Variants in CTNND1 observed in about 807,000 individuals in gnomAD.
CTNND1 encodes the protein catenin delta 1, also known as catenin delta-1.
CTNND1 carries 16 observed loss-of-function variants against 112.1 expected under a neutral mutation model. The observed-to-expected ratio is 0.14, with a 90% CI of 0.10 to 0.22. The LOEUF (loss-of-function observed/expected upper bound fraction) is 0.22. CTNND1 is among the 10% of genes least tolerant of loss of function. The pLI is 1.00. For missense variants in CTNND1, 1,008 were observed against 1,257.0 expected, an observed-to-expected ratio of 0.80 and a Z score of 3.00; for synonymous variants, 420 against 446.5, an observed-to-expected ratio of 0.94 and a Z score of 0.75.
intron 15 of CTNND1, 127 bp downstream of exon 15, chr11:57,809,593 AT>A (rs1329443245): frequency 1.3e-6 from 1 of 768,728 alleles, no homozygotes; most frequent in Non-Finnish European, 2.1e-6. Context: ...CTATTGCTCT[AT>A]TATCTGTCTT....
chr11:57,800,122 T>C (rs529565720), intron 6 of CTNND1, among the ~76,000 whole-genome samples: 1 of 151,906 alleles, frequency 6.6e-6, no homozygotes, highest in South Asian at 2.1e-4. Flanking sequence ...ATACTTTTCC[T>C]TAATTTTATA....
intron 1 of CTNND1, among the ~76,000 whole-genome samples, chr11:57,762,601 A>C (rs991304150): frequency 4.6e-5 from 7 of 152,042 alleles, no homozygotes; most frequent in African/African-American, 1.4e-4. Flanking sequence ...TTTCCCCCAG[A>C]GAGTTTGAAC....
chr11:57,790,552 GTT>G (rs150149378), intron 2 of CTNND1, among the ~76,000 whole-genome samples: 13 of 60,686 alleles, frequency 2.1e-4, no homozygotes, highest in East Asian at 1.0e-3. Flanking sequence ...CTGTGTGTGT[GTT>G]TTTTTTTTTT....
At chr11:57,792,737 GC>G (rs1423067051) in intron 3 of CTNND1, among the ~76,000 whole-genome samples, 1 of 151,942 alleles carries the variant, frequency 6.6e-6, no homozygotes. Context: ...CACCATGTTG[GC>G]CAGGATGGTC....
At chr11:57,779,456 A>G (rs1032421310) in intron 1 of CTNND1, among the ~76,000 whole-genome samples, 1 of 151,914 alleles carries the variant, frequency 6.6e-6, no homozygotes, top group African/African-American at 2.4e-5. Flanking sequence ...CACTTTGTGG[A>G]TTGGATGGCT....
At chr11:57,804,821 TCAC>T (rs776485109) in intron 9 of CTNND1, 41 bp downstream of exon 9, 52 of 1,416,166 alleles carry the variant, frequency 3.7e-5, no homozygotes, top group Non-Finnish European at 4.9e-5. Flanking sequence ...TGAATTTCAT[TCAC>T]CACAACTATG....
Position 57,796,972 on chromosome 11 carries a change from TG to T in CTNND1, c.937del (p.Asp313ThrfsTer12). 1 of 1,490,908 alleles carries T rather than the reference TG, an allele frequency of 6.7e-7. No individual in the cohort carries two copies. Among genetic ancestry groups the T allele is most frequent in the South Asian group, 1.4e-5 (1 of 71,220 alleles). 92.4% of individuals were successfully genotyped at this position (1,490,908 alleles called of 1,614,324 possible). On this transcript the variant is annotated frameshift_variant, in exon 6 of 21. Transcript: ENST00000399050. LOFTEE classifies it high-confidence loss of function. The stretch of plus-strand genomic sequence containing the variant: ...CTGCCCGTCGGACTGGGACACCCTC[TG>T]ACCCTCGTCGGCGCCTCAGGTAGGC... ...GTARRTGTPS[D>X]PRRRLRSYED...
intron 4 of CTNND1, 88 bp downstream of exon 4, chr11:57,794,169 G>T: frequency 8.6e-7 from 1 of 1,166,478 alleles, no homozygotes; most frequent in Admixed American, 1.8e-5. Flanking sequence ...CTTGTAAGGT[G>T]CCTGGCACAT....
intron 3 of CTNND1, 51 bp from the exon 4 acceptor site, chr11:57,793,959 G>A: frequency 6.3e-7 from 1 of 1,577,098 alleles, no homozygotes; most frequent in East Asian, 2.2e-5. Flanking sequence ...GTATTTGATA[G>A]AGCAAAAGAA....
rs373664724 is a variant in CTNND1, at chr11:57,808,418, G to A, written c.2120G>A (p.Arg707His). Residue 707 changes from arginine to histidine, a missense_variant, in exon 14 of 21, where the codon CGT becomes CAT. By Grantham distance (29) the Arg-to-His change is conservative (BLOSUM62 0). Transcript: ENST00000399050. ...TYGRYIRSAL[R>H]QEKALSAIAD... is the part of the protein sequence containing the mutation. Reference sequence around the variant, plus strand: ...GGTCGATACATCCGCTCTGCTCTGCGTCAAGAGAAGGCTCTTTCTGCCATA... The same window carrying A: ...GGTCGATACATCCGCTCTGCTCTGCATCAAGAGAAGGCTCTTTCTGCCATA... The A allele has an allele frequency of 7.6e-5, 122 of 1,611,276 alleles. No homozygotes were observed. Among genetic ancestry groups the A allele is most frequent in the Non-Finnish European group, 1.0e-4 (118 of 1,178,594 alleles).
chr11:57,791,577 A>T lies in CTNND1; in HGVS notation c.99A>T (p.Glu33Asp), dbSNP rs2060750038. ...AGCTGACCCGGGCGCTGGAGGAGGA[A>T]CGGCGCCACGTCTCGGCGCAGCTGG... Reference protein sequence around the residue: ...FEKLTRALEEERRHVSAQLER... With the variant: ...FEKLTRALEEDRRHVSAQLER... The change falls in exon 3 of 21, where the codon GAA becomes GAT. Residue 33 changes from glutamate (E) to aspartate (D), a missense_variant. Physicochemically the swap from Glu to Asp is conservative, Grantham distance 45 (BLOSUM62 2). Around this residue, in one of 5 missense-constraint regions of CTNND1, gnomAD observed 404 missense variants for 457.9 expected, o/e 0.88. Transcript: ENST00000399050. 1 of 1,611,434 alleles carries T rather than the reference A, an allele frequency of 6.2e-7. No individual in the cohort carries two copies. Among genetic ancestry groups the T allele is most frequent in the South Asian group, 1.1e-5 (1 of 90,624 alleles).
chr11:57,775,116 T>G (rs1953830191), intron 1 of CTNND1, among the ~76,000 whole-genome samples: 1 of 151,934 alleles, frequency 6.6e-6, no homozygotes, highest in Non-Finnish European at 1.5e-5. Context: ...CCTAGGTGAT[T>G]CTGATCATTC....
At chr11:57,808,072 C>T in intron 12 of CTNND1, 93 bp from the exon 13 acceptor site, 1 of 1,362,916 alleles carries the variant, frequency 7.3e-7, no homozygotes, top group Non-Finnish European at 1.0e-6. Context: ...ATAAATCCAT[C>T]AACTGAGAGT....
Position 57,802,166 on chromosome 11 carries a change from C to T in CTNND1, c.1390C>T (p.Arg464Cys), listed in dbSNP as rs11570199. ...PALVRLLRKA[R>C]DMDLTEVITG... ...CCTTGTGCGATTGCTTCGAAAGGCT[C>T]GTGATATGGACCTTACTGAAGTTAT... The change falls in exon 7 of 21, where the codon CGT (arginine) becomes TGT (cysteine). Residue 464 changes from arginine to cysteine, a missense_variant. Coordinates refer to ENST00000399050, the MANE Select transcript of CTNND1 (RefSeq NM_001085458.2). 2,262 of 1,613,406 alleles carry T rather than the reference C, an allele frequency of 1.4e-3. 37 individuals are homozygous for T. In the African/African-American group the frequency reaches 0.027, roughly 19 times the overall value.
At chr11:57,815,849 T>C (rs2063906808) in intron 19 of CTNND1, 66 bp from the exon 20 acceptor site, 1 of 1,380,156 alleles carries the variant, frequency 7.2e-7, no homozygotes, top group Non-Finnish European at 1.0e-6. Flanking sequence ...AGAGTTTCCC[T>C]AGCTCTGGCA....
chr11:57,803,976 A>G, intron 8 of CTNND1, 172 bp downstream of exon 8: 1 of 500,684 alleles, frequency 2.0e-6, no homozygotes, highest in Non-Finnish European at 3.5e-6. Context: ...TCTCATGTAT[A>G]CCACATGTAC....
intron 6 of CTNND1, among the ~76,000 whole-genome samples, chr11:57,797,423 G>T (rs2061461301): frequency 6.8e-6 from 1 of 147,982 alleles, no homozygotes; most frequent in African/African-American, 2.4e-5. Context: ...TAGAGATGGG[G>T]TTTCACCATG....
rs763306444 is a variant in CTNND1 at position 57,802,167 on chromosome 11, G to A, written c.1391G>A (p.Arg464His). ...PALVRLLRKA[R>H]DMDLTEVITG... ...CTTGTGCGATTGCTTCGAAAGGCTC[G>A]TGATATGGACCTTACTGAAGTTATT... Residue 464 changes from arginine to histidine, a missense_variant, in exon 7 of 21, where the codon CGT becomes CAT. Physicochemically the swap from Arg to His is conservative, Grantham distance 29. Coordinates refer to ENST00000399050, the MANE Select transcript of CTNND1 (RefSeq NM_001085458.2). 5.5e-5 allele frequency: 88 copies of A among 1,613,394 alleles called. No homozygotes were observed. The highest frequency in any genetic ancestry group is 7.0e-5 in the Non-Finnish European group (83 of 1,179,638).
intron 6 of CTNND1, among the ~76,000 whole-genome samples, chr11:57,798,948 C>T (rs2061683622): frequency 6.6e-6 from 1 of 152,100 alleles, no homozygotes; most frequent in Non-Finnish European, 1.5e-5. Context: ...TGATAAGAAA[C>T]AAGGGATGAT....
Sources: gnomAD v4.1 joint callset for allele counts (sites outside exome capture counted in the v4.1 genomes callset) on GRCh38, gnomAD v4.1.1 for gene constraint, gnomAD v4.1.1 regional missense constraint, MANE v1.5 for transcripts, NCBI Gene and HGNC (gene_info 2026-07-23, HGNC 2026-07-21) for gene names.